The following IL19 variants were observed in gnomAD, a reference collection of about 807,000 sequenced individuals.
IL19 encodes interleukin 19, also known as interleukin-19.
Under a neutral mutation model 19.5 loss-of-function variants are expected in IL19, and 15 were observed. The ratio of observed to expected loss-of-function variants is 0.77; its 90% CI spans 0.52 to 1.19. IL19 has a LOEUF of 1.19. Among genes scored for constraint, IL19 ranks in the 50% most tolerant of loss-of-function variants. The pLI, the probability that IL19 is intolerant of heterozygous loss-of-function variation, is 0.00. For synonymous variants in IL19, 78 were observed against 78.3 expected (o/e 1.00, Z 0.02); for missense variants, 199 against 213.1 (o/e 0.93, Z 0.41).
chr1:206,837,010 T>G lies in IL19; in HGVS notation c.197T>G (p.Leu66Arg). Residue 66 changes from leucine (L) to arginine (R), a missense_variant, in exon 4 of 7, where the codon CTG becomes CGG. Coordinates refer to ENST00000659997, the MANE Select transcript of IL19 (RefSeq NM_153758.5). Reference sequence around the variant, plus strand: ...ACTATCCTGTCCACATTGGAGACTCTGCAGATCATTAAGGTATTGGCCTGT... The same window carrying G: ...ACTATCCTGTCCACATTGGAGACTCGGCAGATCATTAAGGTATTGGCCTGT... ...NVTILSTLET[L>R]QIIKPLDVCC... The G allele has an allele frequency of 1.2e-6, 2 of 1,613,206 alleles. No individual in the cohort carries two copies.
chr1:206,806,928 C>T (rs1205603044), intron 2 of IL19, among the ~76,000 whole-genome samples: 3 of 152,138 alleles, frequency 2.0e-5, no homozygotes, highest in African/African-American at 7.2e-5. Flanking sequence ...GGTATTAGTT[C>T]GTTCTCCCAC....
At chr1:206,809,412 C>A (rs1317873581) in intron 2 of IL19, among the ~76,000 whole-genome samples, 1 of 152,206 alleles carries the variant, frequency 6.6e-6, no homozygotes, top group African/African-American at 2.4e-5. Flanking sequence ...CTGACCTCCA[C>A]TGGCTTTTCC....
intron 2 of IL19, chr1:206,834,285 GC>G: frequency 2.0e-6 from 2 of 985,576 alleles, no homozygotes; most frequent in Non-Finnish European, 2.4e-6. Context: ...GATCCACCCA[GC>G]AAACCTTGAC....
chr1:206,807,830 A>G (rs780434672), intron 2 of IL19, among the ~76,000 whole-genome samples: 1 of 152,236 alleles, frequency 6.6e-6, no homozygotes, highest in Non-Finnish European at 1.5e-5. Context: ...AAAAAGAAAC[A>G]TTGAAATGGT....
rs370266828 is a variant in IL19, at chr1:206,794,061, G to A, written c.-148-4800G>A. Among the ~76,000 whole-genome samples, 22 of 152,278 alleles carry A rather than the reference G, an allele frequency of 1.4e-4. No individual in the cohort carries two copies. In the East Asian group the frequency reaches 3.9e-3, roughly 27 times the overall value. On this transcript the variant is annotated intron_variant, in intron 1 of 6. Coordinates refer to ENST00000659997, the MANE Select transcript of IL19 (RefSeq NM_153758.5). Reference sequence around the variant, plus strand: ...CTCCTGGGTCATGGCTCTTCAGGTGGTGGATGGGCAATGTTCTCTAGTACC... The same window carrying A: ...CTCCTGGGTCATGGCTCTTCAGGTGATGGATGGGCAATGTTCTCTAGTACC...
intron 2 of IL19, among the ~76,000 whole-genome samples, chr1:206,810,471 C>A (rs1675975289): frequency 6.6e-6 from 1 of 152,184 alleles, no homozygotes; most frequent in Admixed American, 6.5e-5. Flanking sequence ...ATCCATCCCC[C>A]AGAATGCCTA....
At chr1:206,829,180 C>G (rs1276181938) in intron 2 of IL19, 2 of 152,148 alleles carry the variant, frequency 1.3e-5, no homozygotes, top group Admixed American at 6.5e-5. Context: ...ACTCTCCCCA[C>G]CCAATTGTAT....
chr1:206,812,880 T>G (rs918715379), intron 2 of IL19, among the ~76,000 whole-genome samples: 5 of 152,236 alleles, frequency 3.3e-5, no homozygotes, highest in African/African-American at 1.2e-4. Flanking sequence ...GAAGTTAACT[T>G]TGCAATTTGG....
chr1:206,808,391 T>C (rs1373965977), intron 2 of IL19, among the ~76,000 whole-genome samples: 1 of 152,072 alleles, frequency 6.6e-6, no homozygotes, highest in Non-Finnish European at 1.5e-5. Context: ...ACTGATGTGA[T>C]GTGAAGCTCT....
intron 1 of IL19, among the ~76,000 whole-genome samples, chr1:206,792,073 C>T (rs556529249): frequency 1.9e-4 from 29 of 152,292 alleles, no homozygotes; most frequent in African/African-American, 6.5e-4. Flanking sequence ...TCTGGAATTG[C>T]CCCATCCTGG....
intron 2 of IL19, among the ~76,000 whole-genome samples, chr1:206,819,596 A>G (rs1372307440): frequency 6.8e-6 from 1 of 147,818 alleles, no homozygotes; most frequent in African/African-American, 2.5e-5. Flanking sequence ...AAAAAAAAGG[A>G]AAACTCAGTC....
At chr1:206,779,073 G>T (rs1471194085) in intron 1 of IL19, among the ~76,000 whole-genome samples, 1 of 152,148 alleles carries the variant, frequency 6.6e-6, no homozygotes, top group Non-Finnish European at 1.5e-5. Context: ...TGTGCCAAAG[G>T]GTAGAAGGCT....
At chr1:206,792,813 T>C (rs951474757) in intron 1 of IL19, among the ~76,000 whole-genome samples, 1 of 151,972 alleles carries the variant, frequency 6.6e-6, no homozygotes, top group East Asian at 1.9e-4. Context: ...TTCAGAGAGG[T>C]AATGTGCCCA....
chr1:206,842,387 G>A (rs1015175649), intron 6 of IL19, 140 bp from the exon 7 acceptor site: 1 of 570,066 alleles, frequency 1.8e-6, no homozygotes, highest in African/African-American at 1.9e-5. Context: ...TATTGAGTCT[G>A]TATGTTATGC....
At chr1:206,802,542 T>C (rs1675739144) in intron 2 of IL19, among the ~76,000 whole-genome samples, 1 of 152,170 alleles carries the variant, frequency 6.6e-6, no homozygotes, top group East Asian at 1.9e-4. Context: ...AGTGATGGAG[T>C]CATGACTTAA....
At chr1:206,826,773 A>G (rs989596395) in intron 2 of IL19, among the ~76,000 whole-genome samples, 1 of 152,162 alleles carries the variant, frequency 6.6e-6, no homozygotes, top group South Asian at 2.1e-4. Context: ...TGGGAAGGAC[A>G]CTCTCAAGCC....
At position 206,777,230 on chromosome 1, in the gene IL19, CA is replaced by C. The variant is rs750939092; in HGVS notation, c.-149+6178del. ...TGGGCGACAGAGCGAGACTCCGTCT[CA>C]AAAAAAAAAAAAAAAAAAAAAAAAA... On this transcript the variant is annotated intron_variant, in intron 1 of 6. Coordinates refer to ENST00000659997, the MANE Select transcript of IL19 (RefSeq NM_153758.5). Among the ~76,000 whole-genome samples, 17 of 6,178 alleles carry C rather than the reference CA, an allele frequency of 2.8e-3. 1 individual carries two copies. The highest frequency in any genetic ancestry group is 6.2e-3 in the African/African-American group (12 of 1,932). 4.1% of individuals were successfully genotyped at this position (6,178 alleles called of 152,430 possible).
chr1:206,831,684 G>A (rs1053469721), intron 2 of IL19, among the ~76,000 whole-genome samples: 16 of 152,126 alleles, frequency 1.1e-4, no homozygotes, highest in African/African-American at 1.9e-4. Context: ...CATGGTGAAC[G>A]TGCAGTAGGC....
intron 2 of IL19, among the ~76,000 whole-genome samples, chr1:206,835,744 G>A (rs904526293): frequency 1.3e-5 from 2 of 152,238 alleles, no homozygotes; most frequent in Non-Finnish European, 2.9e-5. Context: ...CATAAGACAT[G>A]CGTTAAGGCT....
Sources: gnomAD v4.1 joint callset for allele counts (sites outside exome capture counted in the v4.1 genomes callset) on GRCh38, gnomAD v4.1.1 for gene constraint, MANE v1.5 for transcripts, NCBI Gene and HGNC (gene_info 2026-07-23, HGNC 2026-07-21) for gene names.